The following BICD1 variants were observed in gnomAD, a reference collection of about 807,000 sequenced individuals.
BICD1 encodes the protein protein bicaudal D homolog 1.
A neutral mutation model predicts 92.5 loss-of-function variants in BICD1; 35 were observed. The observed-to-expected ratio is 0.38, with a 90% CI of 0.29 to 0.50. The LOEUF is 0.50. Among genes scored for constraint, BICD1 ranks in the 20% least tolerant of loss-of-function variants. BICD1 has a pLI of 0.93. For synonymous variants in BICD1, 429 were observed against 465.1 expected (o/e 0.92, Z 1.00); for missense variants, 950 against 1,189.8 (o/e 0.80, Z 2.97).
chr12:32,211,485 A>G (rs770757525), intron 1 of BICD1, among the ~76,000 whole-genome samples: 1 of 152,200 alleles, frequency 6.6e-6, no homozygotes, highest in African/African-American at 2.4e-5. Flanking sequence ...CCAGAGTACA[A>G]TTTTTGAAAA....
chr12:32,314,307 G>A (rs1948446869), intron 4 of BICD1, among the ~76,000 whole-genome samples: 1 of 152,174 alleles, frequency 6.6e-6, no homozygotes, highest in Non-Finnish European at 1.5e-5. Context: ...GAAATGCTGG[G>A]TCATATGGTA....
At position 32,313,702 on chromosome 12, in the gene BICD1, G is replaced by A. The variant is rs77384920; in HGVS notation, c.1005+7580G>A. Among the ~76,000 whole-genome samples the A allele has an allele frequency of 0.061, 9,218 of 152,242 alleles. 392 individuals carry two copies. The highest frequency in any genetic ancestry group is 0.13 in the Middle Eastern group (38 of 294). ...GTTAGAGATTACAAACTAGCTGGGC[G>A]CAGTGGCTCATACCTGTAATCCCAG... On this transcript the variant is annotated intron_variant, in intron 4 of 9. Transcript: ENST00000652176. The surrounding 1 kb of genome is among the most constrained non-coding windows in gnomAD (Gnocchi z 4.2).
intron 4 of BICD1, among the ~76,000 whole-genome samples, chr12:32,306,384 C>T (rs1306560674): frequency 4.6e-5 from 7 of 152,008 alleles, no homozygotes; most frequent in Non-Finnish European, 7.4e-5. Context: ...GCTGGGACTA[C>T]AGGTGCCCGC....
chr12:32,225,619 CTGTTTTTTTTTT>C (rs199644856), intron 2 of BICD1, among the ~76,000 whole-genome samples: 1,948 of 29,208 alleles, frequency 0.067, 29 homozygotes, highest in Admixed American at 0.16. Flanking sequence ...TTCTTTTTTT[CTGTTTTTTTTTT>C]TTTTTTTTTT....
At chr12:32,165,795 G>T (rs1176194588) in intron 1 of BICD1, among the ~76,000 whole-genome samples, 1 of 152,102 alleles carries the variant, frequency 6.6e-6, no homozygotes, top group Non-Finnish European at 1.5e-5. Flanking sequence ...AACTCAGCGG[G>T]TTTGAAGATG....
chr12:32,347,338 A>T (rs542691056), intron 8 of BICD1, among the ~76,000 whole-genome samples: 1 of 151,838 alleles, frequency 6.6e-6, no homozygotes, highest in Non-Finnish European at 1.5e-5. Context: ...TTTTTAAAAT[A>T]GATACATATT....
chr12:32,228,026 C>A, intron 2 of BICD1: 2 of 245,196 alleles, frequency 8.2e-6, no homozygotes, highest in South Asian at 1.4e-4. Context: ...CTTTCTTGGT[C>A]CCTTTGAAGG....
At chr12:32,296,383 G>A (rs1297421727) in intron 3 of BICD1, among the ~76,000 whole-genome samples, 2 of 149,580 alleles carry the variant, frequency 1.3e-5, no homozygotes, top group Non-Finnish European at 3.0e-5. Context: ...TCAGCCTCCC[G>A]AGTAGCTGGG....
intron 1 of BICD1, among the ~76,000 whole-genome samples, chr12:32,185,789 C>T (rs891114371): frequency 6.6e-6 from 1 of 152,176 alleles, no homozygotes; most frequent in African/African-American, 2.4e-5. Flanking sequence ...TAAACAAATT[C>T]TCATCTGTTT....
At chr12:32,348,723 A>AATATATAT (rs11272207) in intron 8 of BICD1, among the ~76,000 whole-genome samples, 55 of 117,952 alleles carry the variant, frequency 4.7e-4, no homozygotes, top group East Asian at 1.1e-3. Context: ...CTCACACAAA[A>AATATATAT]ATATATATAT....
chr12:32,128,436 C>A (rs1392524450), intron 1 of BICD1, among the ~76,000 whole-genome samples: 1 of 152,032 alleles, frequency 6.6e-6, no homozygotes, highest in Non-Finnish European at 1.5e-5. Context: ...TGTACTAATT[C>A]TCTATATACA....
rs998814122 is a variant in BICD1 at position 32,180,051 on chromosome 12, G to A, written c.214-36196G>A. On this transcript the variant is annotated intron_variant, in intron 1 of 9. Coordinates refer to ENST00000652176, the MANE Select transcript of BICD1 (RefSeq NM_001714.4). ...AGGATTTAAGGTGGAGGATTTCCTC[G>A]CAGTAGGTAAAGAAGCAAAGCCCTG... Among the ~76,000 whole-genome samples, 19 of 150,158 alleles carry A rather than the reference G, an allele frequency of 1.3e-4. 1 individual carries two copies. The highest frequency in any genetic ancestry group is 2.1e-4 in the South Asian group (1 of 4,772).
intron 1 of BICD1, among the ~76,000 whole-genome samples, chr12:32,187,771 C>T (rs1944460128): frequency 6.6e-6 from 1 of 152,208 alleles, no homozygotes; most frequent in South Asian, 2.1e-4. Flanking sequence ...CTATTGGGTA[C>T]TATGTTTATT....
chr12:32,300,182 A>G (rs553093626), intron 3 of BICD1, among the ~76,000 whole-genome samples: 40 of 152,110 alleles, frequency 2.6e-4, no homozygotes, highest in African/African-American at 9.2e-4. Flanking sequence ...GCTCACTGCA[A>G]GCTCTGCCTC....
intron 1 of BICD1, among the ~76,000 whole-genome samples, chr12:32,198,323 C>CATATATATATAGATAT (rs765984931): frequency 1.1e-5 from 1 of 87,920 alleles, no homozygotes; most frequent in African/African-American, 4.0e-5. Flanking sequence ...GAATAATATG[C>CATATATATATAGATAT]ATCTATCTAT....
intron 2 of BICD1, among the ~76,000 whole-genome samples, chr12:32,237,270 C>T (rs1946100538): frequency 6.6e-6 from 1 of 152,120 alleles, no homozygotes; most frequent in Non-Finnish European, 1.5e-5. Flanking sequence ...AAGCTTGAAG[C>T]CAATGGGTTG....
intron 1 of BICD1, among the ~76,000 whole-genome samples, chr12:32,215,226 T>C (rs1224496201): frequency 6.6e-6 from 1 of 152,092 alleles, no homozygotes; most frequent in East Asian, 1.9e-4. Context: ...AGACTCCATC[T>C]CAAAAAGAAA....
chr12:32,142,423 AAAAAAAAAC>A (rs1442198534), intron 1 of BICD1, among the ~76,000 whole-genome samples: 1 of 46,712 alleles, frequency 2.1e-5, no homozygotes, highest in Non-Finnish European at 4.2e-5. Flanking sequence ...AAAAAAAAAA[AAAAAAAAAC>A]AAAAAACCCC....
intron 8 of BICD1, among the ~76,000 whole-genome samples, chr12:32,358,496 T>A (rs544008715): frequency 1.3e-3 from 202 of 151,972 alleles, no homozygotes; most frequent in African/African-American, 4.7e-3. Context: ...CCCAGCACTT[T>A]GGGAGGCTGA....
Sources: allele counts gnomAD v4.1 joint callset (sites outside exome capture counted in the v4.1 genomes callset), GRCh38; gene constraint gnomAD v4.1.1; non-coding constraint Gnocchi (gnomAD v3.1); transcripts MANE v1.5; gene names NCBI Gene and HGNC (gene_info 2026-07-23, HGNC 2026-07-21).